WHRN: variants seen among roughly 807,000 people sequenced by gnomAD.
WHRN encodes the protein whirlin.
WHRN carries 41 observed loss-of-function variants against 68.3 expected under a neutral mutation model. That is an observed-to-expected ratio of 0.60 (90% CI 0.47 to 0.78). WHRN has a LOEUF of 0.78. WHRN is among the 30% of genes least tolerant of loss of function. The probability of loss-of-function intolerance (pLI) is 0.00; values close to 1 mark genes in which losing one functional copy is unlikely to be tolerated. For synonymous variants in WHRN, 560 were observed against 561.3 expected, an observed-to-expected ratio of 1.00 and a Z score of 0.03; for missense variants, 1,243 against 1,244.7, an observed-to-expected ratio of 1.00 and a Z score of 0.02.
At chr9:114,466,236 A>G in intron 3 of WHRN, 31 bp downstream of exon 3, 1 of 1,613,326 alleles carries the variant, frequency 6.2e-7, no homozygotes, top group South Asian at 1.1e-5. Context: ...CTCCATGCAC[A>G]GAGTTTTCCC....
intron 3 of WHRN, among the ~76,000 whole-genome samples, chr9:114,449,832 C>A (rs1839165457): frequency 6.6e-6 from 1 of 152,152 alleles, no homozygotes; most frequent in South Asian, 2.1e-4. Context: ...TTACAGCTAC[C>A]ATTTCTTTTT....
At chr9:114,417,594 G>C (rs745873468) in intron 7 of WHRN, among the ~76,000 whole-genome samples, 8 of 152,244 alleles carry the variant, frequency 5.3e-5, no homozygotes, top group Non-Finnish European at 1.0e-4. Context: ...GCAGAGGTAT[G>C]AGGAGTGTGT....
At chr9:114,412,633 C>T (rs1321861111) in intron 7 of WHRN, among the ~76,000 whole-genome samples, 1 of 152,230 alleles carries the variant, frequency 6.6e-6, no homozygotes, top group Non-Finnish European at 1.5e-5. Flanking sequence ...ATTGTTCTTC[C>T]ACCTCCTTCC....
chr9:114,403,845 C>T (rs745440671), intron 10 of WHRN, 51 bp downstream of exon 10: 5 of 1,603,422 alleles, frequency 3.1e-6, no homozygotes, highest in Non-Finnish European at 4.2e-6. Flanking sequence ...CATTCTGTGC[C>T]TGGGGCCCGT....
rs1428144829 is a variant in WHRN at position 114,504,525 on chromosome 9, T to C, written c.277A>G (p.Met93Val). The change falls in exon 1 of 12, where the codon ATG (methionine) becomes GTG (valine). Residue 93 changes from methionine to valine, a missense_variant. Met to Val is a conservative substitution (Grantham distance 21). Coordinates refer to ENST00000362057, the MANE Select transcript of WHRN (RefSeq NM_015404.4). ...GAGCGCGGGATGACCAGACGAAGCA[T>C]GGGCAGCAGGCGCCGCTTGACCGGA... ...DSPVKRRLLP[M>V]LRLVIPRSDQ... is the part of the protein sequence containing the mutation. 1 of 1,610,088 alleles carries C rather than the reference T, an allele frequency of 6.2e-7. No individual in the cohort carries two copies. Among genetic ancestry groups the C allele is most frequent in the African/African-American group, 1.3e-5 (1 of 74,918 alleles).
At chr9:114,445,224 T>C (rs1279597694) in intron 3 of WHRN, among the ~76,000 whole-genome samples, 1 of 152,092 alleles carries the variant, frequency 6.6e-6, no homozygotes, top group East Asian at 1.9e-4. Context: ...GTATTTTTAG[T>C]AGAGATGGAG....
At chr9:114,489,453 CACACACACAT>C (rs1842784483) in intron 1 of WHRN, among the ~76,000 whole-genome samples, 1 of 122,362 alleles carries the variant, frequency 8.2e-6, no homozygotes, top group Admixed American at 8.7e-5. Flanking sequence ...TCAAAGGCAC[CACACACACAT>C]ACACACACAC....
chr9:114,447,485 T>C (rs1564164856), intron 3 of WHRN, among the ~76,000 whole-genome samples: 1 of 152,226 alleles, frequency 6.6e-6, no homozygotes, highest in Non-Finnish European at 1.5e-5. Context: ...AGTTATCAGG[T>C]AGTACTCCTA....
At chr9:114,403,506 C>T (rs1834816830) in intron 10 of WHRN, among the ~76,000 whole-genome samples, 167 bp from the exon 11 acceptor site, 1 of 152,234 alleles carries the variant, frequency 6.6e-6, no homozygotes, top group Non-Finnish European at 1.5e-5. Flanking sequence ...GTGTTCTTGG[C>T]TCTTTAATCC....
At chr9:114,492,894 G>A (rs1435064434) in intron 1 of WHRN, among the ~76,000 whole-genome samples, 25 of 152,268 alleles carry the variant, frequency 1.6e-4, no homozygotes, top group Admixed American at 1.5e-3. Context: ...GCGCAAGCCT[G>A]TAGTCCCAGC....
At chr9:114,496,191 G>C (rs368573994) in intron 1 of WHRN, among the ~76,000 whole-genome samples, 1 of 152,112 alleles carries the variant, frequency 6.6e-6, no homozygotes, top group South Asian at 2.1e-4. Flanking sequence ...GCTGGGAAAC[G>C]AAGTTATGGA....
At chr9:114,466,624 G>C (rs562854383) in intron 2 of WHRN, among the ~76,000 whole-genome samples, 2 of 152,296 alleles carry the variant, frequency 1.3e-5, no homozygotes, top group African/African-American at 2.4e-5. Context: ...GGTCACAGCT[G>C]CAAGTGTAGT....
chr9:114,434,928 T>C (rs539012179), intron 3 of WHRN, among the ~76,000 whole-genome samples: 16 of 152,232 alleles, frequency 1.1e-4, no homozygotes, highest in African/African-American at 3.6e-4. Flanking sequence ...GATCCAACCA[T>C]ACTTGCCATC....
chr9:114,494,568 C>T (rs1267465127), intron 1 of WHRN, among the ~76,000 whole-genome samples: 1 of 152,210 alleles, frequency 6.6e-6, no homozygotes, highest in African/African-American at 2.4e-5. Context: ...GGCTTCGGAG[C>T]TCAGGCTCGA....
intron 3 of WHRN, among the ~76,000 whole-genome samples, chr9:114,452,425 G>A (rs1839418321): frequency 6.6e-6 from 1 of 152,258 alleles, no homozygotes; most frequent in South Asian, 2.1e-4. Context: ...AACAAGGACA[G>A]CACCTGGCAC....
At chr9:114,476,468 G>A (rs77144557) in intron 2 of WHRN, among the ~76,000 whole-genome samples, 5,058 of 152,016 alleles carry the variant, frequency 0.033, 114 homozygotes, top group Admixed American at 0.059. Context: ...CTCGGAAGCC[G>A]TCTCCTCAGA....
In WHRN at chr9:114,478,746, A is replaced by C. The variant is rs1317969605; in HGVS notation, c.644T>G (p.Val215Gly). The stretch of plus-strand genomic sequence containing the variant: ...GCGCCCTGCTGAGTACACAGACAGC[A>C]CCAGCTTCTTGGAGCCCTTCAGAGC... ...VKALKGSKKL[V>G]LSVYSAGRIP... The change falls in exon 2 of 12, where the codon GTG becomes GGG. Residue 215 changes from valine (V) to glycine (G), a missense_variant. Coordinates refer to ENST00000362057, the MANE Select transcript of WHRN (RefSeq NM_015404.4). 1 of 1,612,432 alleles carries C rather than the reference A, an allele frequency of 6.2e-7. No individual in the cohort carries two copies. Among genetic ancestry groups the C allele is most frequent in the East Asian group, 2.2e-5 (1 of 44,860 alleles).
At position 114,504,638 on chromosome 9, in the gene WHRN, C is replaced by T. The variant is rs775066754; in HGVS notation, c.164G>A (p.Arg55Gln). The change falls in exon 1 of 12, where the codon CGG (arginine) becomes CAG (glutamine). Residue 55 changes from arginine to glutamine, a missense_variant. Arg to Gln is a conservative substitution (Grantham distance 43). Coordinates refer to ENST00000362057, the MANE Select transcript of WHRN (RefSeq NM_015404.4). ...GTTCAGGCAGTGGGTGAACTGCTCC[C>T]GCTCCGCCTCGCTCAGCAGCGCGGT... ...ALTALLSEAE[R>Q]EQFTHCLNAY... 4.4e-6 allele frequency: 7 copies of T among 1,607,466 alleles called. No homozygotes were observed. Among genetic ancestry groups the T allele is most frequent in the Non-Finnish European group, 5.1e-6 (6 of 1,177,900 alleles).
chr9:114,440,826 A>G (rs1838310185), intron 3 of WHRN, among the ~76,000 whole-genome samples: 1 of 152,214 alleles, frequency 6.6e-6, no homozygotes, highest in Admixed American at 6.5e-5. Context: ...ATATCATAGT[A>G]AAAAGTGGTC....
Sources: gnomAD v4.1 joint callset for allele counts (sites outside exome capture counted in the v4.1 genomes callset) on GRCh38, gnomAD v4.1.1 for gene constraint, MANE v1.5 for transcripts, NCBI Gene and HGNC (gene_info 2026-07-23, HGNC 2026-07-21) for gene names.